ANO3: variants seen among roughly 807,000 people sequenced by gnomAD.
The protein encoded by ANO3 is anoctamin-3.
Under a neutral mutation model 144.8 loss-of-function variants are expected in ANO3, and 99 were observed. The ratio of observed to expected loss-of-function variants is 0.68; its 90% confidence interval spans 0.58 to 0.81. The LOEUF is 0.81. ANO3 is among the 30% of genes least tolerant of loss of function. ANO3 has a pLI of 0.00. For missense variants in ANO3, 905 were observed against 1,202.2 expected, an observed-to-expected ratio of 0.75 and a Z score of 3.66; for synonymous variants, 414 against 392.6, an observed-to-expected ratio of 1.05 and a Z score of -0.64.
chr11:26,252,522 C>T (rs1209753150), intron 1 of ANO3, among the ~76,000 whole-genome samples: 1 of 152,106 alleles, frequency 6.6e-6, no homozygotes, highest in Non-Finnish European at 1.5e-5. Flanking sequence ...ATTTTCATCA[C>T]CTCCTGTAGA....
chr11:26,351,133 AAT>A (rs1247529466), intron 1 of ANO3, among the ~76,000 whole-genome samples: 5 of 152,080 alleles, frequency 3.3e-5, no homozygotes, highest in African/African-American at 1.2e-4. Context: ...CTAAATCAAT[AAT>A]GTTTATTTGT....
chr11:26,200,244 G>T (rs1056668017), intron 1 of ANO3, among the ~76,000 whole-genome samples: 1 of 152,124 alleles, frequency 6.6e-6, no homozygotes, highest in African/African-American at 2.4e-5. Flanking sequence ...CATTTTATTT[G>T]CTTAAACCAA....
At chr11:26,526,457 T>C (rs1849166467) in intron 7 of ANO3, among the ~76,000 whole-genome samples, 1 of 152,106 alleles carries the variant, frequency 6.6e-6, no homozygotes, top group South Asian at 2.1e-4. Context: ...TGTGGTAGAG[T>C]ATGCTCCATT....
chr11:26,600,748 G>A (rs1851780514), intron 17 of ANO3, among the ~76,000 whole-genome samples: 1 of 149,850 alleles, frequency 6.7e-6, no homozygotes. Context: ...ATACCATTTT[G>A]TCATAGTCTG....
chr11:26,406,942 G>T (rs1227992740), intron 1 of ANO3, among the ~76,000 whole-genome samples: 1 of 145,992 alleles, frequency 6.8e-6, no homozygotes, highest in Non-Finnish European at 1.5e-5. Context: ...AAATACATCT[G>T]TGTATATATA....
intron 14 of ANO3, among the ~76,000 whole-genome samples, chr11:26,584,100 T>C (rs1211335369): frequency 6.6e-6 from 1 of 152,194 alleles, no homozygotes; most frequent in Non-Finnish European, 1.5e-5. Flanking sequence ...GTTCAATATA[T>C]AAAACAGATA....
intron 1 of ANO3, among the ~76,000 whole-genome samples, chr11:26,274,268 T>C (rs913741091): frequency 1.3e-5 from 2 of 152,106 alleles, no homozygotes; most frequent in African/African-American, 4.8e-5. Flanking sequence ...ACAAATAATA[T>C]AAATTTTAAC....
intron 14 of ANO3, among the ~76,000 whole-genome samples, chr11:26,562,646 T>C (rs1850337997): frequency 6.6e-6 from 1 of 151,856 alleles, no homozygotes; most frequent in South Asian, 2.1e-4. Context: ...TTAGATGCTT[T>C]GTTTTAGAGC....
At chr11:26,572,330 T>TGATC in intron 14 of ANO3, 1 of 784,326 alleles carries the variant, frequency 1.3e-6, no homozygotes, top group Non-Finnish European at 1.5e-6. Flanking sequence ...TTTCATAGGT[T>TGATC]GATCGTTTTA....
At chr11:26,455,695 C>T (rs1219999983) in intron 3 of ANO3, among the ~76,000 whole-genome samples, 1 of 148,468 alleles carries the variant, frequency 6.7e-6, no homozygotes, top group Non-Finnish European at 1.5e-5. Flanking sequence ...CTACCAATGA[C>T]TTTCTTCACA....
chr11:26,530,869 GA>G (rs748412355), intron 7 of ANO3, among the ~76,000 whole-genome samples: 8 of 151,364 alleles, frequency 5.3e-5, no homozygotes, highest in South Asian at 4.2e-4. Flanking sequence ...CTGTCTCAAA[GA>G]AAAAAAACAA....
rs151014298 is a variant in ANO3, at chr11:26,324,419, G to A, written c.-3+14700G>A. 9.1e-3 allele frequency among the ~76,000 whole-genome samples: 1,384 copies of A among 152,166 alleles called. 14 individuals carry two copies. Among genetic ancestry groups the A allele is most frequent in the Non-Finnish European group, 0.016 (1,055 of 67,996 alleles). On this transcript the variant is annotated intron_variant, in intron 1 of 26. Coordinates refer to the ANO3 transcript ENST00000525139. ...CACACTGAGACCCTCAGCAAGAAGT[G>A]GAAGATTTAATTGTATCACAACATT... is the stretch of plus-strand genomic sequence containing the variant.
chr11:26,334,826 A>T (rs1041733924), intron 1 of ANO3, among the ~76,000 whole-genome samples: 1 of 152,216 alleles, frequency 6.6e-6, no homozygotes, highest in African/African-American at 2.4e-5. Flanking sequence ...TCTTTTAAAA[A>T]TTTTGATTTC....
chr11:26,576,584 G>A (rs1850993010), intron 14 of ANO3, among the ~76,000 whole-genome samples: 1 of 152,168 alleles, frequency 6.6e-6, no homozygotes, highest in Admixed American at 6.5e-5. Context: ...TTCCCTGCCA[G>A]AGAGGCTTTC....
Position 26,647,791 on chromosome 11 carries a change from C to T in ANO3, c.2511C>T (p.Tyr837=). 3.7e-6 allele frequency: 6 copies of T among 1,613,416 alleles called. No homozygotes were observed. Among genetic ancestry groups the T allele is most frequent in the Non-Finnish European group, 5.1e-6 (6 of 1,179,550 alleles). The part of the protein sequence containing the change: ...NAFVIAITSD[Y]IPRFVYEYKY... ...TTGTAATTGCTATTACTTCTGATTA[C>T]ATCCCACGTTTTGTTTATGAATACA... The change falls in exon 24 of 27, where the codon TAC becomes TAT. Residue 837 remains tyrosine (Y), a synonymous_variant. Transcript: ENST00000256737.
chr11:26,593,697 G>T (rs1030242592), intron 14 of ANO3, among the ~76,000 whole-genome samples: 4 of 152,198 alleles, frequency 2.6e-5, no homozygotes, highest in Non-Finnish European at 4.4e-5. Context: ...GCATGGACAA[G>T]GAGGTGGCTT....
At chr11:26,629,560 A>G (rs1223392437) in intron 18 of ANO3, among the ~76,000 whole-genome samples, 1 of 152,184 alleles carries the variant, frequency 6.6e-6, no homozygotes, top group African/African-American at 2.4e-5. Context: ...ATTTTAGACA[A>G]CGTGATAGGG....
At chr11:26,636,440 T>C (rs1331012587) in intron 20 of ANO3, among the ~76,000 whole-genome samples, 1 of 152,212 alleles carries the variant, frequency 6.6e-6, no homozygotes, top group East Asian at 1.9e-4. Flanking sequence ...TGAAAAAGTT[T>C]TTAATAATAG....
chr11:26,363,963 C>T (rs1161118186), intron 1 of ANO3, among the ~76,000 whole-genome samples: 1 of 152,140 alleles, frequency 6.6e-6, no homozygotes, highest in Non-Finnish European at 1.5e-5. Context: ...GTCCATTAAG[C>T]CATGACCAGG....
Sources: allele counts gnomAD v4.1 joint callset (sites outside exome capture counted in the v4.1 genomes callset), GRCh38; gene constraint gnomAD v4.1.1; transcripts MANE v1.5; gene names NCBI Gene and HGNC (gene_info 2026-07-23, HGNC 2026-07-21).